TASP1: variants seen among roughly 807,000 people sequenced by gnomAD.
The protein encoded by TASP1 is threonine aspartase 1.
A neutral mutation model predicts 56.6 loss-of-function variants in TASP1; 16 were observed. That is an observed-to-expected ratio of 0.28 (90% CI 0.19 to 0.43). The LOEUF (loss-of-function observed/expected upper bound fraction) is 0.43. TASP1 is among the 20% of genes least tolerant of loss of function. TASP1 has a pLI of 1.00. For synonymous variants in TASP1, 179 were observed against 184.2 expected, an observed-to-expected ratio of 0.97 and a Z score of 0.23; for missense variants, 393 against 511.6, an observed-to-expected ratio of 0.77 and a Z score of 2.24.
intron 7 of TASP1, among the ~76,000 whole-genome samples, chr20:13,563,668 T>A (rs765269820): frequency 3.0e-4 from 36 of 121,294 alleles, no homozygotes; most frequent in Non-Finnish European, 5.0e-4. Flanking sequence ...CCATATGATC[T>A]TTTTTTTTTT....
At chr20:13,564,349 G>T (rs1380753753) in intron 7 of TASP1, among the ~76,000 whole-genome samples, 4 of 152,040 alleles carry the variant, frequency 2.6e-5, no homozygotes, top group Non-Finnish European at 5.9e-5. Flanking sequence ...GCATCGAAAA[G>T]TATAAAATGC....
the TASP1 span, among the ~76,000 whole-genome samples, chr20:13,241,903 C>A: frequency 6.6e-6 from 1 of 151,648 alleles, no homozygotes; most frequent in Non-Finnish European, 1.5e-5. Context: ...TGTTGCCAGT[C>A]AAATATATAA....
chr20:13,395,360 C>T (rs752342531), intron 13 of TASP1, among the ~76,000 whole-genome samples: 6 of 152,220 alleles, frequency 3.9e-5, no homozygotes, highest in East Asian at 3.8e-4. Flanking sequence ...TATGTTACCA[C>T]GTGCTTTTGA....
At chr20:13,176,170 CA>C in the TASP1 span, among the ~76,000 whole-genome samples, 1 of 152,130 alleles carries the variant, frequency 6.6e-6, no homozygotes, top group Non-Finnish European at 1.5e-5. Flanking sequence ...TTTAACTGTA[CA>C]TAAGATCAGG....
chr20:13,470,967 T>C (rs541950274), intron 11 of TASP1, among the ~76,000 whole-genome samples: 1 of 152,310 alleles, frequency 6.6e-6, no homozygotes. Flanking sequence ...AGTGTCCTTT[T>C]CTCTTCCCTC....
chr20:13,207,365 G>A, the TASP1 span, among the ~76,000 whole-genome samples: 40 of 152,304 alleles, frequency 2.6e-4, no homozygotes, highest in Non-Finnish European at 5.0e-4. Context: ...TAAGTCACAC[G>A]GTGTATTAAT....
At chr20:13,112,270 C>G in the TASP1 span, among the ~76,000 whole-genome samples, 1 of 152,214 alleles carries the variant, frequency 6.6e-6, no homozygotes, top group Admixed American at 6.5e-5. Context: ...ACTTGCACAT[C>G]TGGCCCTCGG....
At chr20:13,366,246 GTAAGATTTGA>G in the TASP1 span, among the ~76,000 whole-genome samples, 2 of 152,160 alleles carry the variant, frequency 1.3e-5, no homozygotes, top group East Asian at 3.9e-4. Flanking sequence ...TGATAAAGCT[GTAAGATTTGA>G]TAAGATCATC....
the TASP1 span, among the ~76,000 whole-genome samples, chr20:13,365,664 A>G: frequency 6.6e-6 from 1 of 152,208 alleles, no homozygotes; most frequent in Non-Finnish European, 1.5e-5. Flanking sequence ...GAGAGCTGAC[A>G]AAAAAGAGAG....
chr20:13,293,207 C>CA, the TASP1 span, among the ~76,000 whole-genome samples: 22,299 of 87,040 alleles, frequency 0.26, 2,187 homozygotes, highest in Non-Finnish European at 0.32. Flanking sequence ...GACTCCGTCT[C>CA]AAAAAAAAAA....
At chr20:13,355,641 A>G in the TASP1 span, among the ~76,000 whole-genome samples, 1 of 152,218 alleles carries the variant, frequency 6.6e-6, no homozygotes, top group African/African-American at 2.4e-5. Flanking sequence ...TGCTTTCTCC[A>G]ACACTGGTAT....
the TASP1 span, among the ~76,000 whole-genome samples, chr20:13,318,135 A>AT: frequency 1.5e-5 from 2 of 136,868 alleles, no homozygotes; most frequent in East Asian, 2.1e-4. Flanking sequence ...GGACACTTGA[A>AT]AAAATAAATA....
At chr20:13,329,077 G>A in the TASP1 span, among the ~76,000 whole-genome samples, 1 of 152,024 alleles carries the variant, frequency 6.6e-6, no homozygotes, top group Non-Finnish European at 1.5e-5. Flanking sequence ...GTAGCCTTTG[G>A]CATAAGGATC....
At chr20:13,280,002 G>T in the TASP1 span, 1 of 1,175,908 alleles carries the variant, frequency 8.5e-7, no homozygotes. Flanking sequence ...TGTGGCTTTT[G>T]GTCTTCTGTG....
At position 13,513,649 on chromosome 20, in the gene TASP1, TA is replaced by T. The variant is rs1002903330; in HGVS notation, c.874+14783del. Among the ~76,000 whole-genome samples the T allele has an allele frequency of 3.7e-4, 56 of 152,138 alleles. 1 individual carries two copies. The highest frequency in any genetic ancestry group is 1.3e-3 in the African/African-American group (54 of 41,440). On this transcript the variant is annotated intron_variant, in intron 10 of 13. Transcript: ENST00000337743. ...GTGAATGACGGTAGCTAGGACTTTC[TA>T]TTAAATAATAAGAGTTGCCCAGACT...
the TASP1 span, among the ~76,000 whole-genome samples, chr20:13,252,423 C>T: frequency 6.6e-6 from 1 of 152,106 alleles, no homozygotes; most frequent in African/African-American, 2.4e-5. Flanking sequence ...CGTGGGGAGG[C>T]TTTTGCAGCA....
chr20:13,290,526 G>A, the TASP1 span, among the ~76,000 whole-genome samples: 1 of 152,130 alleles, frequency 6.6e-6, no homozygotes, highest in African/African-American at 2.4e-5. Context: ...GCGGGCGCCT[G>A]TAGTCCCAGC....
At chr20:13,446,947 G>C (rs1015662830) in intron 11 of TASP1, among the ~76,000 whole-genome samples, 2 of 152,124 alleles carry the variant, frequency 1.3e-5, no homozygotes, top group African/African-American at 2.4e-5. Flanking sequence ...TGGACATTTA[G>C]ATTGTTACCA....
intron 4 of TASP1, chr20:13,600,597 TA>T (rs2047919038): frequency 6.6e-6 from 1 of 152,192 alleles, no homozygotes; most frequent in African/African-American, 2.4e-5. Flanking sequence ...CACCTACATG[TA>T]GGGGTTAAAA....
Sources: gnomAD v4.1 joint callset for allele counts (sites outside exome capture counted in the v4.1 genomes callset) on GRCh38, gnomAD v4.1.1 for gene constraint, MANE v1.5 for transcripts, NCBI Gene and HGNC (gene_info 2026-07-23, HGNC 2026-07-21) for gene names.